The following OPCML variants were observed in gnomAD, a reference collection of about 807,000 sequenced individuals.
OPCML encodes opioid-binding protein/cell adhesion molecule.
In OPCML, 13 loss-of-function variants were observed where a neutral mutation model predicts 37.8. The observed-to-expected ratio is 0.34, with a 90% CI of 0.22 to 0.55. The LOEUF is 0.55. Among genes scored for constraint, OPCML ranks in the 20% least tolerant of loss-of-function variants. OPCML has a pLI of 0.91. For missense variants in OPCML, 341 were observed against 435.6 expected, an observed-to-expected ratio of 0.78 and a Z score of 1.93; for synonymous variants, 176 against 168.8, an observed-to-expected ratio of 1.04 and a Z score of -0.33.
At chr11:133,289,464 G>A (rs1213956365) in intron 1 of OPCML, among the ~76,000 whole-genome samples, 2 of 150,742 alleles carry the variant, frequency 1.3e-5, no homozygotes, top group East Asian at 2.0e-4. Flanking sequence ...GCGTAGTGGC[G>A]GGCGCCTGTA....
intron 1 of OPCML, among the ~76,000 whole-genome samples, chr11:133,070,132 T>A (rs1342281880): frequency 1.3e-5 from 2 of 152,150 alleles, no homozygotes; most frequent in African/African-American, 2.4e-5. Flanking sequence ...ATAAAGTGAT[T>A]TAGGATATAT....
At chr11:132,800,647 C>T (rs1938587435) in intron 2 of OPCML, among the ~76,000 whole-genome samples, 1 of 151,996 alleles carries the variant, frequency 6.6e-6, no homozygotes, top group African/African-American at 2.4e-5. Context: ...AAATGTTTTG[C>T]CTTACTAATG....
intron 1 of OPCML, among the ~76,000 whole-genome samples, chr11:133,160,114 G>A (rs1950121145): frequency 6.6e-6 from 1 of 152,184 alleles, no homozygotes; most frequent in South Asian, 2.1e-4. Flanking sequence ...AAATTCGAAA[G>A]TATCCTCATC....
At chr11:132,455,380 C>G (rs1033535590) in intron 4 of OPCML, among the ~76,000 whole-genome samples, 1 of 152,156 alleles carries the variant, frequency 6.6e-6, no homozygotes, top group Non-Finnish European at 1.5e-5. Flanking sequence ...ACCTCCTTCC[C>G]ATAGCAGTGT....
At chr11:133,044,067 C>T (rs1280862199) in intron 1 of OPCML, among the ~76,000 whole-genome samples, 1 of 152,140 alleles carries the variant, frequency 6.6e-6, no homozygotes, top group Non-Finnish European at 1.5e-5. Context: ...ATGATCTTTG[C>T]TATCCTATGG....
chr11:133,380,168 G>T (rs895303687), intron 1 of OPCML, among the ~76,000 whole-genome samples: 16 of 152,088 alleles, frequency 1.1e-4, no homozygotes, highest in African/African-American at 3.9e-4. Context: ...AGGGGTTCAA[G>T]CAAAATGAAA....
rs374633491 is a variant in OPCML at position 133,494,969 on chromosome 11, C to T, written c.61+37295G>A. On this transcript the variant is annotated intron_variant, in intron 1 of 7. Coordinates refer to ENST00000524381, the MANE Select transcript of OPCML (RefSeq NM_001012393.5). Reference sequence around the variant, plus strand: ...AGGTGGTATTTGGTTACATGAGTAACTTCTTTAGTGGTGATTTGTGAGAGT... The same window carrying T: ...AGGTGGTATTTGGTTACATGAGTAATTTCTTTAGTGGTGATTTGTGAGAGT... Among the ~76,000 whole-genome samples, 62 of 151,984 alleles carry T rather than the reference C, an allele frequency of 4.1e-4. 2 individuals carry two copies. In the South Asian group the frequency reaches 0.013, roughly 32 times the overall value.
intron 1 of OPCML, among the ~76,000 whole-genome samples, chr11:133,343,646 C>T (rs1253791119): frequency 6.6e-6 from 1 of 152,152 alleles, no homozygotes; most frequent in Non-Finnish European, 1.5e-5. Flanking sequence ...TTACATTTTA[C>T]CAACATCTAA....
At chr11:133,207,119 T>TA (rs71038525) in intron 1 of OPCML, among the ~76,000 whole-genome samples, 14,673 of 99,594 alleles carry the variant, frequency 0.15, 1,019 homozygotes, top group African/African-American at 0.16. Flanking sequence ...AACCCTCTAC[T>TA]AAAAAAAAAA....
chr11:133,347,993 T>A (rs1426978493), intron 1 of OPCML, among the ~76,000 whole-genome samples: 2 of 152,134 alleles, frequency 1.3e-5, no homozygotes, highest in East Asian at 3.8e-4. Context: ...CTTGATGATA[T>A]ACCAAAAAAT....
At chr11:132,845,594 G>A (rs1372148923) in intron 2 of OPCML, among the ~76,000 whole-genome samples, 1 of 152,074 alleles carries the variant, frequency 6.6e-6, no homozygotes, top group African/African-American at 2.4e-5. Context: ...CCCTTCAGGT[G>A]GATAATATTC....
At chr11:133,312,302 C>T (rs759575140) in intron 1 of OPCML, among the ~76,000 whole-genome samples, 8 of 152,122 alleles carry the variant, frequency 5.3e-5, no homozygotes, top group African/African-American at 7.2e-5. Flanking sequence ...GAATATCCAC[C>T]ATCACTACTA....
At chr11:133,283,141 G>A (rs1351197291) in intron 1 of OPCML, among the ~76,000 whole-genome samples, 1 of 152,048 alleles carries the variant, frequency 6.6e-6, no homozygotes, top group Non-Finnish European at 1.5e-5. Context: ...ATGATATTTT[G>A]GGGGGTAGGG....
chr11:133,002,196 T>C (rs1198050193), intron 1 of OPCML, among the ~76,000 whole-genome samples: 2 of 152,216 alleles, frequency 1.3e-5, no homozygotes, highest in African/African-American at 4.8e-5. Flanking sequence ...CCTTAACTTA[T>C]TCCACTGAAT....
intron 4 of OPCML, among the ~76,000 whole-genome samples, chr11:132,471,269 G>A (rs1197440634): frequency 6.6e-6 from 1 of 152,198 alleles, no homozygotes; most frequent in Admixed American, 6.5e-5. Context: ...GGGGATGGCT[G>A]TGGATGGTGG....
intron 1 of OPCML, among the ~76,000 whole-genome samples, chr11:133,309,613 A>C (rs931606921): frequency 3.3e-5 from 5 of 152,232 alleles, no homozygotes; most frequent in African/African-American, 1.2e-4. Flanking sequence ...TGTTCTGTAG[A>C]TTAGTTAACA....
rs1950324756 is a variant in OPCML, at chr11:133,173,904, C to T, written c.62-230894G>A. 6.6e-6 allele frequency among the ~76,000 whole-genome samples: 1 copy of T among 152,230 alleles called. No homozygotes were observed. Among genetic ancestry groups the T allele is most frequent in the African/African-American group, 2.4e-5 (1 of 41,528 alleles). ...TCTGAGGGCTGGAATGAAGATTGGA[C>T]CGGGGCCGGCCGGCACTGGAGCAGC... On this transcript the variant is annotated intron_variant, in intron 1 of 7. Coordinates refer to ENST00000524381, the MANE Select transcript of OPCML (RefSeq NM_001012393.5). The surrounding 1 kb of genome is among the most constrained non-coding windows in gnomAD (Gnocchi z 7.8).
chr11:132,525,432 A>T (rs1192804127), intron 4 of OPCML, among the ~76,000 whole-genome samples: 1 of 152,210 alleles, frequency 6.6e-6, no homozygotes, highest in Non-Finnish European at 1.5e-5. Context: ...CAAATATTGC[A>T]TTAGCTAACT....
At chr11:133,183,140 C>A (rs918992601) in intron 1 of OPCML, among the ~76,000 whole-genome samples, 4 of 152,144 alleles carry the variant, frequency 2.6e-5, no homozygotes, top group Non-Finnish European at 5.9e-5. Context: ...GAAAAGGAAA[C>A]TTTATGAGTC....
Sources: gnomAD v4.1 joint callset for allele counts (sites outside exome capture counted in the v4.1 genomes callset) on GRCh38, gnomAD v4.1.1 for gene constraint, Gnocchi (gnomAD v3.1) non-coding constraint, MANE v1.5 for transcripts, NCBI Gene and HGNC (gene_info 2026-07-23, HGNC 2026-07-21) for gene names.